Variants in ANKRD27 observed in about 807,000 individuals in gnomAD.
ANKRD27 encodes ankyrin repeat domain-containing protein 27.
Under a neutral mutation model 129.7 loss-of-function variants are expected in ANKRD27, and 112 were observed. The ratio of observed to expected loss-of-function variants is 0.86; its 90% CI spans 0.74 to 1.01. The LOEUF is 1.01. Ranked by LOEUF, ANKRD27 falls within the 50% of genes least tolerant of loss-of-function variation. The probability of loss-of-function intolerance (pLI) is 0.00; values close to 1 mark genes in which losing one functional copy is unlikely to be tolerated. For synonymous variants in ANKRD27, 516 were observed against 511.2 expected (o/e 1.01, Z -0.13); for missense variants, 1,258 against 1,300.5 (o/e 0.97, Z 0.50).
At chr19:32,674,239 A>C (rs1674332186) in intron 1 of ANKRD27, among the ~76,000 whole-genome samples, 1 of 152,188 alleles carries the variant, frequency 6.6e-6, no homozygotes, top group African/African-American at 2.4e-5. Flanking sequence ...TGCATTTTTT[A>C]ATCAAAATAG....
chr19:32,628,492 T>G (rs1297259170), intron 14 of ANKRD27, among the ~76,000 whole-genome samples: 1 of 152,226 alleles, frequency 6.6e-6, no homozygotes, highest in Non-Finnish European at 1.5e-5. Flanking sequence ...GCAGGCCCTA[T>G]AACCAGCCTA....
At chr19:32,650,315 G>T (rs1340404917) in intron 2 of ANKRD27, among the ~76,000 whole-genome samples, 1 of 152,216 alleles carries the variant, frequency 6.6e-6, no homozygotes, top group Non-Finnish European at 1.5e-5. Flanking sequence ...ACTTTGAGAG[G>T]CCAAGGCAGG....
intron 3 of ANKRD27, 27 bp from the exon 4 acceptor site, chr19:32,646,642 C>A (rs1967309409): frequency 6.2e-7 from 1 of 1,605,460 alleles, no homozygotes. Flanking sequence ...CATCACTGCA[C>A]CAGCAGCCGG....
chr19:32,639,994 CTA>C (rs1489799193), intron 11 of ANKRD27, among the ~76,000 whole-genome samples: 3 of 152,080 alleles, frequency 2.0e-5, no homozygotes, highest in African/African-American at 7.2e-5. Flanking sequence ...CGGAGTCTCG[CTA>C]TGTCGCCCAG....
At chr19:32,615,542 C>G (rs568906183) in intron 22 of ANKRD27, 116 bp downstream of exon 22, 2 of 1,547,812 alleles carry the variant, frequency 1.3e-6, no homozygotes, top group African/African-American at 1.4e-5. Flanking sequence ...CATGACTGTA[C>G]CACTGCACTC....
chr19:32,607,809 A>G lies in ANKRD27; in HGVS notation c.2199T>C (p.Ser733=), dbSNP rs544876608. The G allele has an allele frequency of 1.1e-3, 1,698 of 1,605,538 alleles. 37 individuals are homozygous for G. The South Asian group carries it at 0.018, about 17-fold the overall frequency. The change falls in exon 23 of 29, where the codon AGT becomes AGC. Residue 733 remains serine (S), a synonymous_variant. Transcript: ENST00000306065. Reference sequence around the variant, plus strand: ...GGCTGGTCACGTTCACACCAAGCCCACTGGCAGGAACCTTCGCCAGCCTCT... The same window carrying G: ...GGCTGGTCACGTTCACACCAAGCCCGCTGGCAGGAACCTTCGCCAGCCTCT... ...AQKRLAKVPA[S]GLGVNVTSQD... is the part of the protein sequence containing the mutation.
intron 1 of ANKRD27, among the ~76,000 whole-genome samples, chr19:32,660,275 TG>T (rs1967619447): frequency 6.6e-6 from 1 of 152,200 alleles, no homozygotes; most frequent in African/African-American, 2.4e-5. Context: ...CCGGGCACAG[TG>T]GCTCATGCCT....
intron 1 of ANKRD27, chr19:32,673,166 C>G (rs1967905739): frequency 2.5e-6 from 1 of 405,940 alleles, no homozygotes; most frequent in South Asian, 1.0e-4. Flanking sequence ...ACACCTCTGC[C>G]TGCCCTCCCA....
intron 1 of ANKRD27, among the ~76,000 whole-genome samples, chr19:32,667,312 C>T (rs370907190): frequency 1.5e-4 from 23 of 152,324 alleles, no homozygotes; most frequent in African/African-American, 5.5e-4. Flanking sequence ...GGCTCTCTTG[C>T]TAGTGTTTGA....
chr19:32,631,705 T>C (rs968610573), intron 12 of ANKRD27, among the ~76,000 whole-genome samples: 5 of 152,210 alleles, frequency 3.3e-5, no homozygotes. Context: ...GGTTGCTCCC[T>C]GTGGGGGATG....
rs117008254 is a variant in ANKRD27 at position 32,612,408 on chromosome 19, G to C, written c.2175+3250C>G. Among the ~76,000 whole-genome samples, 707 of 152,180 alleles carry C rather than the reference G, an allele frequency of 4.6e-3. 7 individuals are homozygous for C. Among genetic ancestry groups the C allele is most frequent in the Middle Eastern group, 0.037 (11 of 294 alleles). ...AATTGATATAGCTCAGACCAGTCTGGGTACTATAAGAGTGAGTAAGTTAGT... is the reference window on the plus strand; with the variant it reads ...AATTGATATAGCTCAGACCAGTCTGCGTACTATAAGAGTGAGTAAGTTAGT... On this transcript the variant is annotated intron_variant, in intron 22 of 28. Transcript: ENST00000306065.
chr19:32,603,700 G>A (rs1037604016), intron 25 of ANKRD27, among the ~76,000 whole-genome samples: 1 of 146,756 alleles, frequency 6.8e-6, no homozygotes, highest in African/African-American at 2.6e-5. Context: ...CCCTATGCTC[G>A]GCTGATTTTT....
intron 20 of ANKRD27, among the ~76,000 whole-genome samples, chr19:32,618,559 T>TA (rs1460668328): frequency 6.6e-6 from 1 of 152,136 alleles, no homozygotes; most frequent in Non-Finnish European, 1.5e-5. Flanking sequence ...AGGTCTCCGT[T>TA]AGACTCTGGA....
Position 32,604,258 on chromosome 19 carries a change from C to T in ANKRD27, c.2655+5G>A, listed in dbSNP as rs1250370811. On this transcript the variant is annotated splice_donor_5th_base_variant and intron_variant, in intron 25 of 28. Coordinates refer to ENST00000306065, the MANE Select transcript of ANKRD27 (RefSeq NM_032139.3). ...TCCCTCGGCTCTTCGACCCTCTCCA[C>T]CTACCTGTTCAGCACAGTCTACAGC... The T allele has an allele frequency of 3.8e-6, 6 of 1,595,964 alleles. No individual in the cohort carries two copies. Among genetic ancestry groups the T allele is most frequent in the South Asian group, 3.3e-5 (3 of 90,480 alleles).
At chr19:32,665,289 A>ATTTTT (rs11324719) in intron 1 of ANKRD27, among the ~76,000 whole-genome samples, 1 of 129,694 alleles carries the variant, frequency 7.7e-6, no homozygotes, top group African/African-American at 2.8e-5. Flanking sequence ...AAATTCATGA[A>ATTTTT]TTTTTTTTTT....
intron 23 of ANKRD27, 129 bp downstream of exon 23, chr19:32,607,506 G>A (rs910897612): frequency 1.5e-5 from 17 of 1,167,326 alleles, no homozygotes; most frequent in Non-Finnish European, 1.9e-5. Flanking sequence ...GTGCACCTCA[G>A]AATCTCAGGG....
At chr19:32,628,582 C>A in intron 14 of ANKRD27, 140 bp downstream of exon 14, 1 of 1,081,544 alleles carries the variant, frequency 9.2e-7, no homozygotes, top group Non-Finnish European at 1.3e-6. Context: ...CAGCTGTTAT[C>A]ATCTCCACTG....
intron 22 of ANKRD27, among the ~76,000 whole-genome samples, chr19:32,613,706 CTTTTT>C (rs58394462): frequency 7.5e-6 from 1 of 132,984 alleles, no homozygotes; most frequent in Non-Finnish European, 1.6e-5. Flanking sequence ...ATTTATGTAA[CTTTTT>C]TTTTTTTTTT....
rs1403795509 is a variant in ANKRD27 at position 32,671,596 on chromosome 19, G to A, written c.-31+3475C>T. On this transcript the variant is annotated intron_variant, in intron 1 of 28. Coordinates refer to ENST00000306065, the MANE Select transcript of ANKRD27 (RefSeq NM_032139.3). ...TATAATCCCAGCTACTTGGGAGGCT[G>A]AGGCACGAGAATCTCTTGAACCTGG... Among the ~76,000 whole-genome samples, 7 of 152,186 alleles carry A rather than the reference G, an allele frequency of 4.6e-5. 1 individual carries two copies. The highest frequency in any genetic ancestry group is 1.0e-4 in the Non-Finnish European group (7 of 68,042).
Sources: gnomAD v4.1 joint callset for allele counts (sites outside exome capture counted in the v4.1 genomes callset) on GRCh38, gnomAD v4.1.1 for gene constraint, MANE v1.5 for transcripts, NCBI Gene and HGNC (gene_info 2026-07-23, HGNC 2026-07-21) for gene names.